The following TSNARE1 variants were observed in gnomAD, a reference collection of about 807,000 sequenced individuals.
TSNARE1 encodes the protein t-SNARE domain-containing protein 1.
Under a neutral mutation model 62.0 loss-of-function variants are expected in TSNARE1, and 49 were observed. The ratio of observed to expected loss-of-function variants is 0.79; its 90% confidence interval spans 0.63 to 1.00. TSNARE1 has a LOEUF of 1.00. Among genes scored for constraint, TSNARE1 ranks in the 50% least tolerant of loss-of-function variants. The pLI is 0.00. For missense variants in TSNARE1, 755 were observed against 700.1 expected (o/e 1.08, Z -0.88); for synonymous variants, 328 against 294.4 (o/e 1.11, Z -1.17).
intron 4 of TSNARE1, among the ~76,000 whole-genome samples, chr8:142,338,570 CGACCACTGGGCAAGCTGACAGGCTGCCTG>C (rs1563942668): frequency 6.7e-6 from 1 of 149,598 alleles, no homozygotes; most frequent in Non-Finnish European, 1.5e-5. Flanking sequence ...CAGGCTGCCT[CGACCACTGGGCAAGCTGACAGGCTGCCTG>C]GACCACTGGG....
At chr8:142,306,407 G>C (rs1826675369) in intron 9 of TSNARE1, among the ~76,000 whole-genome samples, 2 of 152,246 alleles carry the variant, frequency 1.3e-5, no homozygotes, top group African/African-American at 2.4e-5. Flanking sequence ...CAGAGACAGA[G>C]CATGACCTGC....
chr8:142,374,363 C>T (rs191179790), intron 1 of TSNARE1, among the ~76,000 whole-genome samples: 74 of 151,840 alleles, frequency 4.9e-4, no homozygotes, highest in African/African-American at 1.7e-3. Flanking sequence ...GGGGACTTGG[C>T]TTCCAGGCAA....
chr8:142,345,633 G>A (rs948131694), intron 3 of TSNARE1, 110 bp downstream of exon 3: 2 of 1,341,114 alleles, frequency 1.5e-6, no homozygotes, highest in Non-Finnish European at 2.0e-6. Context: ...TTGCCTCCTG[G>A]TCCCAGCCTC....
chr8:142,332,778 G>C (rs1831239566), intron 4 of TSNARE1, among the ~76,000 whole-genome samples: 1 of 152,126 alleles, frequency 6.6e-6, no homozygotes, highest in Non-Finnish European at 1.5e-5. Context: ...CAAAGCACAT[G>C]GAAACACTCG....
At chr8:142,305,635 G>A (rs548463859) in intron 9 of TSNARE1, among the ~76,000 whole-genome samples, 2 of 152,160 alleles carry the variant, frequency 1.3e-5, no homozygotes, top group South Asian at 2.1e-4. Flanking sequence ...GTCCCTCCGC[G>A]GCCTCCTCCT....
intron 9 of TSNARE1, among the ~76,000 whole-genome samples, chr8:142,306,556 G>A (rs780046189): frequency 6.6e-6 from 1 of 152,190 alleles, no homozygotes; most frequent in Non-Finnish European, 1.5e-5. Context: ...CACACAGGCT[G>A]AGCTGCTCAC....
chr8:142,237,833 G>A (rs1482871212), intron 12 of TSNARE1, among the ~76,000 whole-genome samples: 10 of 152,162 alleles, frequency 6.6e-5, no homozygotes, highest in Admixed American at 3.9e-4. Flanking sequence ...GTGGCTGCTC[G>A]TGAGTCCTGT....
intron 11 of TSNARE1, chr8:142,278,120 G>A: frequency 1.0e-6 from 1 of 985,220 alleles, no homozygotes; most frequent in Non-Finnish European, 1.2e-6. Context: ...CACTGACCAG[G>A]CCCATCCCCC....
At chr8:142,213,367 G>A (rs946428210) in intron 13 of TSNARE1, among the ~76,000 whole-genome samples, 12 of 148,776 alleles carry the variant, frequency 8.1e-5, no homozygotes, top group Non-Finnish European at 5.9e-5. Flanking sequence ...GCCCCATCAC[G>A]TGCCCCTCTA....
At chr8:142,257,105 C>A (rs969543864) in intron 12 of TSNARE1, among the ~76,000 whole-genome samples, 6 of 152,202 alleles carry the variant, frequency 3.9e-5, no homozygotes, top group African/African-American at 7.2e-5. Flanking sequence ...GACACAGACA[C>A]CCTGACGTGG....
chr8:142,310,959 C>T (rs188153555), intron 9 of TSNARE1, among the ~76,000 whole-genome samples: 2 of 152,258 alleles, frequency 1.3e-5, no homozygotes, highest in Non-Finnish European at 2.9e-5. Flanking sequence ...AAGCAATTCT[C>T]GGCCTCAGCC....
intron 13 of TSNARE1, among the ~76,000 whole-genome samples, chr8:142,225,742 A>G (rs11784523): frequency 0.9 from 137,502 of 152,282 alleles, 62,132 homozygotes; most frequent in Non-Finnish European, 0.92. Context: ...CAGGTAACGT[A>G]TGCAAACCAC....
intron 12 of TSNARE1, among the ~76,000 whole-genome samples, chr8:142,259,405 G>A (rs562652553): frequency 1.4e-4 from 21 of 152,302 alleles, no homozygotes; most frequent in South Asian, 8.3e-4. Context: ...TGAGAGGGCC[G>A]AGTTCAGACT....
chr8:142,357,898 C>A (rs7831197), intron 1 of TSNARE1, among the ~76,000 whole-genome samples: 1 of 135,896 alleles, frequency 7.4e-6, no homozygotes, highest in Non-Finnish European at 1.6e-5. Context: ...ACGAAAGCCA[C>A]GGCGGAGGCT....
chr8:142,323,219 GA>G (rs1255832099), intron 6 of TSNARE1, among the ~76,000 whole-genome samples: 1 of 152,188 alleles, frequency 6.6e-6, no homozygotes, highest in African/African-American at 2.4e-5. Context: ...AAAAATTATA[GA>G]AAGCTTTTTT....
intron 12 of TSNARE1, among the ~76,000 whole-genome samples, chr8:142,252,319 C>G (rs1818216414): frequency 6.6e-6 from 1 of 152,182 alleles, no homozygotes; most frequent in South Asian, 2.1e-4. Context: ...GGGCCGGGCC[C>G]CCCCGGTACC....
intron 1 of TSNARE1, among the ~76,000 whole-genome samples, chr8:142,380,010 G>A (rs1219702831): frequency 2.0e-5 from 3 of 152,230 alleles, no homozygotes; most frequent in Non-Finnish European, 4.4e-5. Context: ...GAGGGCAGGA[G>A]AACATGTGGG....
chr8:142,369,868 T>C (rs1167248420), intron 1 of TSNARE1, among the ~76,000 whole-genome samples: 1 of 151,922 alleles, frequency 6.6e-6, no homozygotes, highest in Non-Finnish European at 1.5e-5. Context: ...TCCCAGAAGG[T>C]GAAGAGAGAG....
chr8:142,368,111 C>CA (rs948922145), intron 1 of TSNARE1, among the ~76,000 whole-genome samples: 3 of 148,626 alleles, frequency 2.0e-5, no homozygotes, highest in Non-Finnish European at 4.5e-5. Flanking sequence ...AGTGAACAAA[C>CA]AAAAAAAACT....
Sources: gnomAD v4.1 joint callset for allele counts (sites outside exome capture counted in the v4.1 genomes callset) on GRCh38, gnomAD v4.1.1 for gene constraint, MANE v1.5 for transcripts, NCBI Gene and HGNC (gene_info 2026-07-23, HGNC 2026-07-21) for gene names.